Variants in MMD2 observed in about 807,000 individuals in gnomAD.
MMD2 encodes monocyte to macrophage differentiation factor 2.
In MMD2, 30 loss-of-function variants were observed where a neutral mutation model predicts 33.5. The observed-to-expected ratio is 0.90, with a 90% CI of 0.67 to 1.22. The LOEUF (loss-of-function observed/expected upper bound fraction) is 1.22. Ranked by LOEUF, MMD2 falls within the 50% of genes most tolerant of loss-of-function variation. The pLI, the probability that MMD2 is intolerant of heterozygous loss-of-function variation, is 0.00. For synonymous variants in MMD2, 129 were observed against 123.0 expected, an observed-to-expected ratio of 1.05 and a Z score of -0.32; for missense variants, 364 against 325.4, an observed-to-expected ratio of 1.12 and a Z score of -0.91.
intron 1 of MMD2, among the ~76,000 whole-genome samples, chr7:4,955,187 C>G (rs1786350363): frequency 6.6e-6 from 1 of 152,186 alleles, no homozygotes; most frequent in Admixed American, 6.5e-5. Context: ...GAATCTATTT[C>G]AGGCCTCTTT....
At chr7:4,944,355 T>C (rs1226698593) in intron 1 of MMD2, among the ~76,000 whole-genome samples, 1 of 152,032 alleles carries the variant, frequency 6.6e-6, no homozygotes, top group Admixed American at 6.6e-5. Flanking sequence ...CTGGGCTCAC[T>C]TGGAGGGAGC....
At chr7:4,894,882 T>C in the MMD2 span, among the ~76,000 whole-genome samples, 1 of 151,288 alleles carries the variant, frequency 6.6e-6, no homozygotes, top group Non-Finnish European at 1.5e-5. This position sits in a 1 kb window ranked among gnomAD's most constrained non-coding sequence, Gnocchi z 4.3. Flanking sequence ...TATGTGGAGG[T>C]TTTTATTGGG....
At chr7:4,945,639 A>G (rs1202600054) in intron 1 of MMD2, among the ~76,000 whole-genome samples, 4 of 151,382 alleles carry the variant, frequency 2.6e-5, no homozygotes, top group East Asian at 2.0e-4. Flanking sequence ...CAGTGGCGCA[A>G]TCTTGGCTCA....
chr7:4,938,371 G>A (rs1236137511), intron 1 of MMD2, among the ~76,000 whole-genome samples: 2 of 152,032 alleles, frequency 1.3e-5, no homozygotes, highest in Non-Finnish European at 2.9e-5. Context: ...ACTGTGTCTG[G>A]TGGGGGCCTT....
intron 6 of MMD2, 131 bp downstream of exon 6, chr7:4,909,750 C>A: frequency 5.6e-6 from 7 of 1,256,996 alleles, no homozygotes; most frequent in Non-Finnish European, 8.0e-6. Flanking sequence ...CCTCTTTAGA[C>A]AAGTCATGCC....
intron 1 of MMD2, among the ~76,000 whole-genome samples, chr7:4,938,839 A>C (rs1317806169): frequency 6.6e-6 from 1 of 152,170 alleles, no homozygotes; most frequent in African/African-American, 2.4e-5. Flanking sequence ...CTATCAAATA[A>C]AAAACATTTT....
intron 1 of MMD2, among the ~76,000 whole-genome samples, chr7:4,936,394 G>A (rs995136684): frequency 2.0e-5 from 3 of 151,954 alleles, no homozygotes; most frequent in Non-Finnish European, 2.9e-5. Flanking sequence ...GTGAGTTTGG[G>A]GGTGCTGGTC....
At chr7:4,899,797 C>T in the MMD2 span, among the ~76,000 whole-genome samples, 3 of 152,150 alleles carry the variant, frequency 2.0e-5, no homozygotes, top group African/African-American at 4.8e-5. Flanking sequence ...ACCTGGACCC[C>T]AGGTGATGAA....
intron 1 of MMD2, among the ~76,000 whole-genome samples, chr7:4,930,177 G>A (rs1322426490): frequency 6.7e-6 from 1 of 150,104 alleles, no homozygotes; most frequent in Admixed American, 6.7e-5. Context: ...GCTGAGGCAG[G>A]AGAATGGCAT....
At chr7:4,941,094 A>T (rs1168158787) in intron 1 of MMD2, among the ~76,000 whole-genome samples, 2 of 152,034 alleles carry the variant, frequency 1.3e-5, no homozygotes, top group African/African-American at 2.4e-5. Flanking sequence ...CCCAACAAAG[A>T]TGGGGGCCCC....
At chr7:4,945,068 C>G (rs1786018975) in intron 1 of MMD2, among the ~76,000 whole-genome samples, 1 of 151,060 alleles carries the variant, frequency 6.6e-6, no homozygotes, top group Non-Finnish European at 1.5e-5. Context: ...CTCCTTCCTC[C>G]TCCTCCCCCC....
At chr7:4,926,717 G>C (rs1191656026) in intron 1 of MMD2, among the ~76,000 whole-genome samples, 1 of 151,924 alleles carries the variant, frequency 6.6e-6, no homozygotes, top group East Asian at 1.9e-4. Context: ...CACATTTTGG[G>C]GTACAGCAAC....
chr7:4,913,993 T>C (rs919657693), intron 4 of MMD2, among the ~76,000 whole-genome samples: 1 of 152,104 alleles, frequency 6.6e-6, no homozygotes, highest in African/African-American at 2.4e-5. Flanking sequence ...TTTCAGTTTC[T>C]TGTTTGTTTT....
intron 3 of MMD2, 77 bp downstream of exon 3, chr7:4,920,094 G>C (rs1442278613): frequency 1.4e-6 from 2 of 1,467,548 alleles, no homozygotes; most frequent in African/African-American, 2.8e-5. Context: ...GGATATCCTG[G>C]TTCACCCCCC....
intron 1 of MMD2, among the ~76,000 whole-genome samples, chr7:4,934,459 G>C (rs192284247): frequency 2.9e-4 from 44 of 152,340 alleles, no homozygotes; most frequent in Admixed American, 6.5e-5. Context: ...TGTTAGAACA[G>C]AGGTGGCAGT....
chr7:4,917,360 C>T (rs1785167281), intron 3 of MMD2, among the ~76,000 whole-genome samples: 1 of 152,028 alleles, frequency 6.6e-6, no homozygotes, highest in South Asian at 2.1e-4. Context: ...AGTAAGTGCT[C>T]AATAAATACC....
At chr7:4,895,668 C>T in the MMD2 span, among the ~76,000 whole-genome samples, 1 of 152,142 alleles carries the variant, frequency 6.6e-6, no homozygotes, top group Non-Finnish European at 1.5e-5. Context: ...TCCGGAGTAG[C>T]TGGGATAATA....
In MMD2 at chr7:4,946,181, A is replaced by C. The variant is rs115886272; in HGVS notation, c.47+12790T>G. 2.0e-5 allele frequency among the ~76,000 whole-genome samples: 3 copies of C among 150,822 alleles called. No individual in the cohort carries two copies. The highest frequency in any genetic ancestry group is 3.0e-5 in the Non-Finnish European group (2 of 67,694). On this transcript the variant is annotated intron_variant, in intron 1 of 6. Transcript: ENST00000401401. This position sits in a 1 kb window ranked among gnomAD's most constrained non-coding sequence, Gnocchi z 5.0. The stretch of plus-strand genomic sequence containing the variant: ...CGCGCACACCTGCACACATGCACAC[A>C]CACGCGCGCACACCCACACACACGC...
chr7:4,932,314 G>C (rs1682630747), intron 1 of MMD2, among the ~76,000 whole-genome samples: 1 of 152,052 alleles, frequency 6.6e-6, no homozygotes, highest in Admixed American at 6.6e-5. Flanking sequence ...GAAGACCCGA[G>C]CACTTTCCCT....
Sources: gnomAD v4.1 joint callset for allele counts (sites outside exome capture counted in the v4.1 genomes callset) on GRCh38, gnomAD v4.1.1 for gene constraint, Gnocchi (gnomAD v3.1) non-coding constraint, MANE v1.5 for transcripts, NCBI Gene and HGNC (gene_info 2026-07-23, HGNC 2026-07-21) for gene names.